MDGA2: variants seen among roughly 807,000 people sequenced by gnomAD.
The protein encoded by MDGA2 is MAM domain containing glycosylphosphatidylinositol anchor 2, also known as MAM domain-containing glycosylphosphatidylinositol anchor protein 2.
A neutral mutation model predicts 117.8 loss-of-function variants in MDGA2; 40 were observed. The ratio of observed to expected loss-of-function variants is 0.34; its 90% confidence interval spans 0.26 to 0.44. The LOEUF is 0.44. Among genes scored for constraint, MDGA2 ranks in the 20% least tolerant of loss-of-function variants. The pLI is 1.00. For missense variants in MDGA2, 1,123 were observed against 1,250.6 expected, an observed-to-expected ratio of 0.90 and a Z score of 1.54; for synonymous variants, 452 against 439.0, an observed-to-expected ratio of 1.03 and a Z score of -0.37.
At chr14:47,658,624 G>T (rs1374244440) in intron 1 of MDGA2, among the ~76,000 whole-genome samples, 4 of 152,132 alleles carry the variant, frequency 2.6e-5, no homozygotes, top group Non-Finnish European at 5.9e-5. Flanking sequence ...AACAAAAGCT[G>T]TCTAAGATGG....
chr14:47,547,963 G>T (rs1034845252), intron 1 of MDGA2, among the ~76,000 whole-genome samples: 1 of 151,654 alleles, frequency 6.6e-6, no homozygotes, highest in African/African-American at 2.4e-5. Context: ...AACTATGTTC[G>T]CCCCTCCCCT....
intron 1 of MDGA2, among the ~76,000 whole-genome samples, chr14:47,522,060 GA>G (rs1894878861): frequency 6.6e-6 from 1 of 152,070 alleles, no homozygotes; most frequent in South Asian, 2.1e-4. Context: ...GCCCCTGAAT[GA>G]CTCTAAAAGG....
At chr14:47,282,696 CAA>C (rs572508750) in intron 2 of MDGA2, among the ~76,000 whole-genome samples, 1 of 120,492 alleles carries the variant, frequency 8.3e-6, no homozygotes, top group Non-Finnish European at 1.8e-5. Context: ...GAATGTGTCT[CAA>C]AAAAAAAAAC....
At chr14:46,992,438 C>T (rs1887127767) in intron 8 of MDGA2, among the ~76,000 whole-genome samples, 1 of 152,038 alleles carries the variant, frequency 6.6e-6, no homozygotes, top group East Asian at 1.9e-4. Context: ...CAGTTTTCTT[C>T]TTCCCATAAG....
At chr14:47,180,495 A>G (rs904416779) in intron 3 of MDGA2, among the ~76,000 whole-genome samples, 2 of 152,164 alleles carry the variant, frequency 1.3e-5, no homozygotes, top group Non-Finnish European at 2.9e-5. Flanking sequence ...ACCTAAACAA[A>G]TTTGCAAGGA....
chr14:46,890,942 A>G (rs1882857366), intron 10 of MDGA2, among the ~76,000 whole-genome samples: 1 of 152,138 alleles, frequency 6.6e-6, no homozygotes, highest in Non-Finnish European at 1.5e-5. Flanking sequence ...CAAAACAACT[A>G]TGACACATAC....
intron 1 of MDGA2, among the ~76,000 whole-genome samples, chr14:47,333,100 T>C (rs1310225249): frequency 6.6e-6 from 1 of 151,272 alleles, no homozygotes; most frequent in Non-Finnish European, 1.5e-5. Flanking sequence ...ATTGCTGCGA[T>C]AAACATACCA....
At chr14:47,427,600 G>A (rs1432365848) in intron 1 of MDGA2, among the ~76,000 whole-genome samples, 2 of 152,144 alleles carry the variant, frequency 1.3e-5, no homozygotes, top group Admixed American at 1.3e-4. Flanking sequence ...GTAGAAGCAA[G>A]AATTAATTGC....
chr14:47,674,593 C>CACGTGA lies in MDGA2; in HGVS notation c.198_203dup (p.His67_Val68dup). Reference sequence around the variant, plus strand: ...CGAGACCGTACAGTAAATCCATCTTCACGTGAACATGAACATATCCAGCCC... The same window carrying CACGTGA: ...CGAGACCGTACAGTAAATCCATCTTCACGTGAACGTGAACATGAACATATCCAGCCC... On this transcript the variant is annotated inframe_insertion, in exon 1 of 17. Transcript: ENST00000399232. 4 of 1,551,388 alleles carry CACGTGA rather than the reference C, an allele frequency of 2.6e-6. No individual in the cohort carries two copies. Among genetic ancestry groups the CACGTGA allele is most frequent in the Non-Finnish European group, 3.5e-6 (4 of 1,146,754 alleles).
At chr14:47,574,474 T>C (rs1275041256) in intron 1 of MDGA2, among the ~76,000 whole-genome samples, 1 of 152,180 alleles carries the variant, frequency 6.6e-6, no homozygotes, top group Non-Finnish European at 1.5e-5. Flanking sequence ...TCCAGTTTGA[T>C]GGACTAAATA....
intron 7 of MDGA2, among the ~76,000 whole-genome samples, chr14:47,037,109 T>C (rs542956053): frequency 2.0e-5 from 3 of 152,326 alleles, no homozygotes; most frequent in South Asian, 2.1e-4. Flanking sequence ...AAGTGAATGA[T>C]GTAATTAAAA....
At chr14:47,428,372 C>T (rs1892731573) in intron 1 of MDGA2, among the ~76,000 whole-genome samples, 2 of 152,070 alleles carry the variant, frequency 1.3e-5, no homozygotes, top group Non-Finnish European at 2.9e-5. Flanking sequence ...TATCTTTACA[C>T]TATAGTAGTA....
chr14:47,082,549 A>G (rs1890746929), intron 6 of MDGA2, among the ~76,000 whole-genome samples: 1 of 152,096 alleles, frequency 6.6e-6, no homozygotes, highest in Admixed American at 6.6e-5. Context: ...ATGCTCAGCC[A>G]CTGATTGGAA....
At position 46,957,435 on chromosome 14, in the gene MDGA2, C is replaced by T. The variant is rs1360779408; in HGVS notation, c.2028G>A (p.Gly676=). 3.1e-6 allele frequency: 5 copies of T among 1,613,970 alleles called. No individual in the cohort carries two copies. The African/African-American group carries it at 5.3e-5, about 17-fold the overall frequency. The change falls in exon 9 of 17, where the codon GGG becomes GGA. Residue 676 remains glycine, a synonymous_variant. Coordinates refer to ENST00000399232, the MANE Select transcript of MDGA2 (RefSeq NM_001113498.3). The part of the protein sequence containing the change: ...AVKSLSNENY[G]VYNCSIINEA... ...CATTTATGATGCTACAGTTATAAAC[C>T]CCATAGTTTTCATTGGAAAGACTCT...
In MDGA2 at chr14:47,047,967, G is replaced by A. The variant is rs568133549; in HGVS notation, c.1526-12663C>T. Among the ~76,000 whole-genome samples, 19 of 152,100 alleles carry A rather than the reference G, an allele frequency of 1.2e-4. No individual in the cohort carries two copies. The South Asian group carries it at 3.9e-3, about 32-fold the overall frequency. ...CCTTTTCTAATCTGAATAGTCAGAG[G>A]CATTCCCCCAAAGCCATCCAAGGAA... On this transcript the variant is annotated intron_variant, in intron 7 of 16. Transcript: ENST00000399232.
At chr14:46,939,934 G>T (rs193226109) in intron 9 of MDGA2, among the ~76,000 whole-genome samples, 11 of 152,290 alleles carry the variant, frequency 7.2e-5, no homozygotes, top group African/African-American at 2.2e-4. Flanking sequence ...GACTGAGGCT[G>T]AAATCCAGGC....
intron 1 of MDGA2, among the ~76,000 whole-genome samples, chr14:47,615,921 A>G (rs1205920170): frequency 2.0e-5 from 3 of 152,128 alleles, no homozygotes; most frequent in Non-Finnish European, 4.4e-5. Flanking sequence ...GAGCCCTTCA[A>G]TGGGGTCTTT....
At chr14:47,596,203 T>C (rs1896539354) in intron 1 of MDGA2, among the ~76,000 whole-genome samples, 1 of 152,206 alleles carries the variant, frequency 6.6e-6, no homozygotes, top group Non-Finnish European at 1.5e-5. Context: ...ATGCTAATTA[T>C]ATCTAAATGA....
intron 1 of MDGA2, among the ~76,000 whole-genome samples, chr14:47,377,501 G>A (rs185553135): frequency 6.6e-6 from 1 of 152,072 alleles, no homozygotes; most frequent in Non-Finnish European, 1.5e-5. Flanking sequence ...GGAAAATCGG[G>A]ACACTCCCAC....
Sources: gnomAD v4.1 joint callset for allele counts (sites outside exome capture counted in the v4.1 genomes callset) on GRCh38, gnomAD v4.1.1 for gene constraint, MANE v1.5 for transcripts, NCBI Gene and HGNC (gene_info 2026-07-23, HGNC 2026-07-21) for gene names.